TENM4: variants seen among roughly 807,000 people sequenced by gnomAD.
TENM4 encodes the protein teneurin-4.
In TENM4, 82 loss-of-function variants were observed where a neutral mutation model predicts 243.3. The ratio of observed to expected loss-of-function variants is 0.34; its 90% CI spans 0.28 to 0.40. TENM4 has a LOEUF of 0.40. Among genes scored for constraint, TENM4 ranks in the 10% least tolerant of loss-of-function variants. The probability of loss-of-function intolerance (pLI) is 1.00; values close to 1 mark genes in which losing one functional copy is unlikely to be tolerated. For synonymous variants in TENM4, 1,412 were observed against 1,456.3 expected (o/e 0.97, Z 0.69); for missense variants, 3,138 against 3,673.3 (o/e 0.85, Z 3.77).
At chr11:79,417,680 T>G (rs1382908675) in intron 1 of TENM4, among the ~76,000 whole-genome samples, 4 of 151,924 alleles carry the variant, frequency 2.6e-5, no homozygotes, top group Admixed American at 2.6e-4. Flanking sequence ...ATACTTGCAA[T>G]ATGACATCAT....
chr11:79,069,821 T>C lies in TENM4; in HGVS notation c.124A>G (p.Ser42Gly). 1 of 1,551,112 alleles carries C rather than the reference T, an allele frequency of 6.4e-7. No individual in the cohort carries two copies. Among genetic ancestry groups the C allele is most frequent in the Non-Finnish European group, 8.7e-7 (1 of 1,146,888 alleles). ...TGGTCGTAGGCCTTCAGGGTCTCGC[T>C]GGAGCTGTACGATTTCTGCGGGGCT... is the stretch of plus-strand genomic sequence containing the variant. ...GKAPQKSYSSSETLKAYDQDA... is the reference protein window; with the variant it reads ...GKAPQKSYSSGETLKAYDQDA... The change falls in exon 5 of 34, where the codon AGC becomes GGC. Residue 42 changes from serine to glycine, a missense_variant. Ser to Gly is a moderately conservative substitution (Grantham distance 56). Coordinates refer to ENST00000278550, the MANE Select transcript of TENM4 (RefSeq NM_001098816.3).
At position 78,672,195 on chromosome 11, in the gene TENM4, G is replaced by A. The variant is rs1858348615; in HGVS notation, c.5631C>T (p.Ser1877=). The A allele has an allele frequency of 3.7e-6, 6 of 1,613,952 alleles. No individual in the cohort carries two copies. The African/African-American group carries it at 5.3e-5, about 14-fold the overall frequency. ...TCACGTTGACACCATTCAGCCTGCT[G>A]CTGGGTGACCAGAGGCTGGGCCGCC... ...QAGRPSLWSP[S]SRLNGVNVTY... is the part of the protein sequence containing the mutation. The change falls in exon 31 of 34, where the codon AGC becomes AGT. Residue 1877 remains serine, a synonymous_variant. Transcript: ENST00000278550.
intron 6 of TENM4, among the ~76,000 whole-genome samples, chr11:79,022,523 C>T (rs770675071): frequency 6.6e-6 from 1 of 152,192 alleles, no homozygotes; most frequent in Non-Finnish European, 1.5e-5. Flanking sequence ...CCTCAATTCA[C>T]ATGGCCCTGG....
chr11:79,203,487 A>G (rs1375001017), intron 3 of TENM4, among the ~76,000 whole-genome samples: 1 of 152,378 alleles, frequency 6.6e-6, no homozygotes, highest in Middle Eastern at 3.4e-3. Flanking sequence ...GAAATTAAGG[A>G]TAGTACCAAA....
chr11:79,157,524 A>AG lies in TENM4; in HGVS notation c.-162-8719dup, dbSNP rs778050715. Among the ~76,000 whole-genome samples the AG allele has an allele frequency of 5.3e-5, 8 of 152,270 alleles. No individual in the cohort carries two copies. The South Asian group carries it at 1.7e-3, about 32-fold the overall frequency. On this transcript the variant is annotated intron_variant, in intron 3 of 33. Coordinates refer to ENST00000278550, the MANE Select transcript of TENM4 (RefSeq NM_001098816.3). ...ACAGCTACAGTGGTAAAGAAGACCCAGGTCTTGCCATCTGTAACTCAGTAC... is the reference window on the plus strand; with the variant it reads ...ACAGCTACAGTGGTAAAGAAGACCCAGGGTCTTGCCATCTGTAACTCAGTAC...
At chr11:78,856,537 T>C (rs779129378) in intron 10 of TENM4, among the ~76,000 whole-genome samples, 1 of 152,170 alleles carries the variant, frequency 6.6e-6, no homozygotes, top group Non-Finnish European at 1.5e-5. Context: ...TGTGATTTGG[T>C]GTGTTAAGGG....
At chr11:79,320,206 AG>A (rs754392514) in intron 1 of TENM4, among the ~76,000 whole-genome samples, 1 of 152,172 alleles carries the variant, frequency 6.6e-6, no homozygotes, top group African/African-American at 2.4e-5. Context: ...TACCTGTGGA[AG>A]TTTCGGTCAC....
At chr11:79,235,564 A>T (rs1864449670) in intron 2 of TENM4, among the ~76,000 whole-genome samples, 1 of 152,202 alleles carries the variant, frequency 6.6e-6, no homozygotes, top group South Asian at 2.1e-4. Context: ...TGATTGATCA[A>T]ATGGAACTCA....
intron 2 of TENM4, among the ~76,000 whole-genome samples, chr11:79,239,729 T>C (rs188434798): frequency 6.6e-6 from 1 of 152,200 alleles, no homozygotes; most frequent in South Asian, 2.1e-4. Context: ...CCTGGGGCAC[T>C]CTGCGGAGTG....
At chr11:78,761,270 C>T (rs1017750142) in intron 18 of TENM4, among the ~76,000 whole-genome samples, 2 of 150,362 alleles carry the variant, frequency 1.3e-5, no homozygotes, top group Admixed American at 6.6e-5. Context: ...GACGTTGTCT[C>T]GCTCTGTTGC....
At chr11:79,397,199 T>C (rs1425694470) in intron 1 of TENM4, among the ~76,000 whole-genome samples, 1 of 152,190 alleles carries the variant, frequency 6.6e-6, no homozygotes, top group Non-Finnish European at 1.5e-5. Flanking sequence ...GGACAGAAAA[T>C]TCATGGTAGC....
chr11:79,261,828 C>T (rs1449132388), intron 2 of TENM4, among the ~76,000 whole-genome samples: 1 of 152,166 alleles, frequency 6.6e-6, no homozygotes. Context: ...GAGACAAATA[C>T]TGGGGCAGGC....
chr11:78,896,123 G>A (rs535481973), intron 7 of TENM4, among the ~76,000 whole-genome samples: 8 of 152,166 alleles, frequency 5.3e-5, no homozygotes, highest in African/African-American at 1.4e-4. Flanking sequence ...CCTCAGGACC[G>A]CCCTGATCAA....
intron 4 of TENM4, among the ~76,000 whole-genome samples, chr11:79,124,632 CGT>C (rs1491147317): frequency 4.0e-5 from 5 of 124,798 alleles, no homozygotes; most frequent in African/African-American, 1.2e-4. Context: ...TACATATGCA[CGT>C]ATATATATAT....
At chr11:79,000,148 A>C (rs1219759168) in intron 6 of TENM4, among the ~76,000 whole-genome samples, 1 of 152,262 alleles carries the variant, frequency 6.6e-6, no homozygotes, top group Non-Finnish European at 1.5e-5. Flanking sequence ...ATATCCAGCA[A>C]AACTATCCTT....
chr11:78,784,050 G>T (rs980798331), intron 16 of TENM4, among the ~76,000 whole-genome samples: 8 of 152,124 alleles, frequency 5.3e-5, no homozygotes, highest in Admixed American at 6.5e-5. Flanking sequence ...TAGAGGTCTC[G>T]AAATCAGTGT....
chr11:79,072,966 T>C (rs1177275584), intron 4 of TENM4, among the ~76,000 whole-genome samples: 4 of 152,252 alleles, frequency 2.6e-5, no homozygotes, highest in African/African-American at 7.2e-5. Flanking sequence ...TATGATTATA[T>C]ATAACATCTT....
At chr11:79,209,389 G>A (rs1000613838) in intron 3 of TENM4, among the ~76,000 whole-genome samples, 7 of 152,196 alleles carry the variant, frequency 4.6e-5, no homozygotes, top group African/African-American at 1.4e-4. Context: ...GCCAGAAGGC[G>A]TTCCCTCACA....
chr11:78,710,667 A>G (rs1344030260), intron 26 of TENM4, among the ~76,000 whole-genome samples: 1 of 152,188 alleles, frequency 6.6e-6, no homozygotes, highest in Non-Finnish European at 1.5e-5. Context: ...AGGCTAATAG[A>G]AGTGATCTGT....
Sources: allele counts gnomAD v4.1 joint callset (sites outside exome capture counted in the v4.1 genomes callset), GRCh38; gene constraint gnomAD v4.1.1; transcripts MANE v1.5; gene names NCBI Gene and HGNC (gene_info 2026-07-23, HGNC 2026-07-21).